Variants in INVS observed in about 807,000 individuals in gnomAD.
The protein encoded by INVS is inversion of embryo turning homolog.
Under a neutral mutation model 108.8 loss-of-function variants are expected in INVS, and 86 were observed. The observed-to-expected ratio is 0.79, with a 90% CI of 0.66 to 0.95. The LOEUF is 0.95. Ranked by LOEUF, INVS falls within the 40% of genes least tolerant of loss-of-function variation. The pLI is 0.00. For synonymous variants in INVS, 455 were observed against 473.5 expected (o/e 0.96, Z 0.51); for missense variants, 1,169 against 1,297.4 (o/e 0.90, Z 1.52).
chr9:100,194,382 C>CT (rs1286362263), intron 3 of INVS, among the ~76,000 whole-genome samples: 1 of 152,110 alleles, frequency 6.6e-6, no homozygotes, highest in Non-Finnish European at 1.5e-5. Flanking sequence ...GGTCTTTGAT[C>CT]TTTTTGCATT....
intron 12 of INVS, among the ~76,000 whole-genome samples, chr9:100,278,008 C>T (rs992536743): frequency 2.0e-5 from 3 of 151,984 alleles, no homozygotes; most frequent in Non-Finnish European, 4.4e-5. Flanking sequence ...GCAAGAGGAT[C>T]GCTTGAGCCC....
chr9:100,170,046 G>A (rs1178358054), intron 3 of INVS, among the ~76,000 whole-genome samples: 2 of 152,182 alleles, frequency 1.3e-5, no homozygotes, highest in Non-Finnish European at 2.9e-5. Flanking sequence ...AATCCACAGT[G>A]AAGGTCAGCA....
chr9:100,136,222 G>T (rs1795929664), intron 3 of INVS, among the ~76,000 whole-genome samples: 1 of 152,156 alleles, frequency 6.6e-6, no homozygotes. Flanking sequence ...TATGGAGACA[G>T]TACGAGTGAT....
At chr9:100,281,566 A>C (rs1833277858) in intron 12 of INVS, among the ~76,000 whole-genome samples, 1 of 152,382 alleles carries the variant, frequency 6.6e-6, no homozygotes. Context: ...GGTCTGAAGA[A>C]CTTCACAATT....
intron 1 of INVS, among the ~76,000 whole-genome samples, chr9:100,100,937 AATATATATAC>A (rs1564112332): frequency 2.2e-4 from 7 of 31,550 alleles, no homozygotes; most frequent in African/African-American, 1.1e-3. Flanking sequence ...TAATATATAT[AATATATATAC>A]ATATATATTA....
chr9:100,106,889 A>G (rs1213901718), intron 2 of INVS, among the ~76,000 whole-genome samples: 1 of 152,158 alleles, frequency 6.6e-6, no homozygotes, highest in Non-Finnish European at 1.5e-5. Context: ...AAGCTGAAAA[A>G]AAAAGTCTTG....
rs1833956027 is a variant in INVS at position 100,301,144 on chromosome 9, C to T, written c.*470C>T. 1.1e-5 allele frequency: 1 copy of T among 95,030 alleles called. No individual in the cohort carries two copies. Among genetic ancestry groups the T allele is most frequent in the African/African-American group, 7.1e-5 (1 of 14,036 alleles). The allele number at this position is 95,030 out of a possible 1,614,324, so 5.9% of individuals were successfully genotyped here. A position where few individuals can be genotyped will look rare whatever the true frequency, so the allele number is the denominator to read the frequency against. On this transcript the variant is annotated 3_prime_UTR_variant, in exon 17 of 17. Transcript: ENST00000262457. Reference sequence around the variant, plus strand: ...CATCTAATGCAACAAACTTATCACACACACACACACACACACACACACACA... The same window carrying T: ...CATCTAATGCAACAAACTTATCACATACACACACACACACACACACACACA...
chr9:100,127,029 C>A (rs1827907037), intron 3 of INVS, among the ~76,000 whole-genome samples: 1 of 151,956 alleles, frequency 6.6e-6, no homozygotes, highest in Non-Finnish European at 1.5e-5. Flanking sequence ...GACCCCATCT[C>A]TACAAAAAAT....
intron 10 of INVS, among the ~76,000 whole-genome samples, chr9:100,258,518 C>A (rs1832501696): frequency 6.6e-6 from 1 of 152,204 alleles, no homozygotes; most frequent in Non-Finnish European, 1.5e-5. Flanking sequence ...CTTTTCTACT[C>A]TGGTTTCTCC....
intron 7 of INVS, among the ~76,000 whole-genome samples, chr9:100,246,102 G>A (rs1057342443): frequency 3.3e-5 from 5 of 150,164 alleles, no homozygotes; most frequent in African/African-American, 7.4e-5. Flanking sequence ...GCAGTGAGCC[G>A]AGATTGCACC....
rs1407807929 is a variant in INVS, at chr9:100,301,057, GATGAACCTAA to G, written c.*388_*397del. On this transcript the variant is annotated 3_prime_UTR_variant, in exon 17 of 17. Transcript: ENST00000262457. ...CTGGTACTGGCTTCTTGTTTCAAGA[GATGAACCTAA>G]ATGAGATAGGAAGCCTGTCCCATAG... 1 of 295,802 alleles carries G rather than the reference GATGAACCTAA, an allele frequency of 3.4e-6. No individual in the cohort carries two copies. The highest frequency in any genetic ancestry group is 6.5e-6 in the Non-Finnish European group (1 of 152,732). 18.3% of individuals were successfully genotyped at this position (295,802 alleles called of 1,614,324 possible).
intron 3 of INVS, among the ~76,000 whole-genome samples, chr9:100,203,733 C>G (rs1830597237): frequency 6.6e-6 from 1 of 152,028 alleles, no homozygotes; most frequent in South Asian, 2.1e-4. Context: ...GAACTCCTGA[C>G]CTCAGGTGAT....
chr9:100,259,859 G>A (rs572306576), intron 10 of INVS, among the ~76,000 whole-genome samples: 1 of 151,204 alleles, frequency 6.6e-6, no homozygotes, highest in African/African-American at 2.4e-5. Flanking sequence ...CCTATTACAT[G>A]ATTTTCTTTT....
intron 3 of INVS, among the ~76,000 whole-genome samples, chr9:100,217,552 G>A (rs1307741806): frequency 6.6e-6 from 1 of 152,166 alleles, no homozygotes; most frequent in East Asian, 1.9e-4. Flanking sequence ...GGATTATGGG[G>A]GCAATATGGA....
chr9:100,124,560 A>AAC (rs1827827136), intron 2 of INVS, among the ~76,000 whole-genome samples: 1 of 150,852 alleles, frequency 6.6e-6, no homozygotes, highest in Admixed American at 6.6e-5. Context: ...AAAAAAAAAA[A>AAC]AACTAAAGAG....
At chr9:100,201,835 A>G (rs903685243) in intron 3 of INVS, among the ~76,000 whole-genome samples, 1 of 152,186 alleles carries the variant, frequency 6.6e-6, no homozygotes, top group Non-Finnish European at 1.5e-5. Flanking sequence ...TAATCAGAAG[A>G]GTAAGAGACT....
At chr9:100,287,140 T>C (rs1006146416) in intron 13 of INVS, among the ~76,000 whole-genome samples, 2 of 152,220 alleles carry the variant, frequency 1.3e-5, no homozygotes, top group African/African-American at 4.8e-5. Flanking sequence ...GTCTAAGATA[T>C]AGTCACTTAA....
chr9:100,133,063 C>T (rs1294326363), intron 3 of INVS, among the ~76,000 whole-genome samples: 1 of 152,086 alleles, frequency 6.6e-6, no homozygotes, highest in African/African-American at 2.4e-5. Context: ...GGATATTGCA[C>T]CACTGCACTC....
chr9:100,249,920 C>T (rs541831891), intron 8 of INVS, among the ~76,000 whole-genome samples: 28 of 149,506 alleles, frequency 1.9e-4, no homozygotes, highest in Admixed American at 1.3e-3. Context: ...GTCTGGTCAA[C>T]GTGGTGAAAC....
Sources: allele counts gnomAD v4.1 joint callset (sites outside exome capture counted in the v4.1 genomes callset), GRCh38; gene constraint gnomAD v4.1.1; transcripts MANE v1.5; gene names NCBI Gene and HGNC (gene_info 2026-07-23, HGNC 2026-07-21).